Variants in RSPH4A observed in about 807,000 individuals in gnomAD.
RSPH4A encodes the protein radial spoke head component 4A.
In RSPH4A, 47 loss-of-function variants were observed where a neutral mutation model predicts 71.0. The observed-to-expected ratio is 0.66, with a 90% confidence interval of 0.52 to 0.84. The LOEUF (loss-of-function observed/expected upper bound fraction) is 0.84. Ranked by LOEUF, RSPH4A falls within the 40% of genes least tolerant of loss-of-function variation. The pLI is 0.00. For synonymous variants in RSPH4A, 282 were observed against 302.3 expected (o/e 0.93, Z 0.70); for missense variants, 793 against 855.2 (o/e 0.93, Z 0.91).
Position 116,622,973 on chromosome 6 carries a change from G to T in RSPH4A, c.892G>T (p.Gly298Ter). 6.2e-7 allele frequency: 1 copy of T among 1,611,698 alleles called. No individual in the cohort carries two copies. The highest frequency in any genetic ancestry group is 1.1e-5 in the South Asian group (1 of 91,006). The change falls in exon 2 of 6, where the codon GGA (glycine) becomes TGA (stop). Residue 298 changes from glycine to a stop codon, truncating the protein, a stop_gained. Coordinates refer to ENST00000229554, the MANE Select transcript of RSPH4A (RefSeq NM_001010892.3). LOFTEE classifies it high-confidence loss of function. Reference sequence around the variant, plus strand: ...TCTTTTTCTCCAGGGACATTTGGAAGGAGTTGACCAAGAATTGGAAGATGA... The same window carrying T: ...TCTTTTTCTCCAGGGACATTTGGAATGAGTTGACCAAGAATTGGAAGATGA... Reference protein sequence around the residue: ...KALFLQGHLEGVDQELEDEIA... With the variant: ...KALFLQGHLE
Position 116,630,546 on chromosome 6 carries a change from A to G in RSPH4A, c.1910A>G (p.Asn637Ser), listed in dbSNP as rs771284555. The change falls in exon 5 of 6, where the codon AAT becomes AGT. Residue 637 changes from asparagine to serine, a missense_variant. By Grantham distance (46) the Asn-to-Ser change is conservative (BLOSUM62 1). Coordinates refer to ENST00000229554, the MANE Select transcript of RSPH4A (RefSeq NM_001010892.3). Reference sequence around the variant, plus strand: ...TGGCCTGGAGCATATGCCTTCTCCAATGGCAAGTAAGTATCTGACCACTTA... The same window carrying G: ...TGGCCTGGAGCATATGCCTTCTCCAGTGGCAAGTAAGTATCTGACCACTTA... ...NLWPGAYAFS[N>S]GKKFENFYIG... The G allele has an allele frequency of 4.0e-6, 6 of 1,488,306 alleles. No individual in the cohort carries two copies. The highest frequency in any genetic ancestry group is 1.1e-5 in the South Asian group (1 of 88,582). The allele number at this position is 1,488,306 out of a possible 1,614,324, so 92.2% of individuals were successfully genotyped here. A position where few individuals can be genotyped will look rare whatever the true frequency, so the allele number is the denominator to read the frequency against.
intron 1 of RSPH4A, among the ~76,000 whole-genome samples, chr6:116,620,024 G>A (rs1056874005): frequency 6.6e-6 from 1 of 152,140 alleles, no homozygotes; most frequent in Non-Finnish European, 1.5e-5. Flanking sequence ...CAGCCTATTA[G>A]TTAATATTTT....
In RSPH4A at chr6:116,627,535, T is replaced by C. The variant is rs910611825; in HGVS notation, c.922-94T>C. The C allele has an allele frequency of 6.9e-6, 7 of 1,013,862 alleles. No homozygotes were observed. The African/African-American group carries it at 9.5e-5, about 14-fold the overall frequency. The allele number at this position is 1,013,862 out of a possible 1,614,324, so 62.8% of individuals were successfully genotyped here. On this transcript the variant is annotated intron_variant, in intron 2 of 5. Coordinates refer to ENST00000229554, the MANE Select transcript of RSPH4A (RefSeq NM_001010892.3). ...CTTGAGAGAAATGTCAAAGAAGTGG[T>C]GGAGAAAGTAGAATATCGAGATACA...
chr6:116,627,286 G>A (rs550428013), intron 2 of RSPH4A, among the ~76,000 whole-genome samples: 15 of 152,112 alleles, frequency 9.9e-5, no homozygotes, highest in East Asian at 7.7e-4. Flanking sequence ...TGCAACTTCC[G>A]CCTCCCGGGT....
chr6:116,620,195 G>T (rs898119363), intron 1 of RSPH4A, among the ~76,000 whole-genome samples: 1 of 152,162 alleles, frequency 6.6e-6, no homozygotes, highest in African/African-American at 2.4e-5. Context: ...ATAAATACTT[G>T]TGAGTTCACT....
At position 116,632,488 on chromosome 6, in the gene RSPH4A, C is replaced by A; in HGVS notation, c.*47C>A. 1.9e-6 allele frequency: 3 copies of A among 1,570,094 alleles called. No homozygotes were observed. Among genetic ancestry groups the A allele is most frequent in the South Asian group, 1.2e-5 (1 of 85,430 alleles). On this transcript the variant is annotated 3_prime_UTR_variant, in exon 6 of 6. Coordinates refer to ENST00000229554, the MANE Select transcript of RSPH4A (RefSeq NM_001010892.3). ...TTTATGTGACACTGATACACACACA[C>A]CCCTTATATGGGACTAATTTTACAC...
rs1364995758 is a variant in RSPH4A at position 116,628,089 on chromosome 6, T to G, written c.1382T>G (p.Phe461Cys). 3 of 1,613,940 alleles carry G rather than the reference T, an allele frequency of 1.9e-6. No homozygotes were observed. In the African/African-American group the frequency reaches 4.0e-5, roughly 22 times the overall value. The change falls in exon 3 of 6, where the codon TTT (phenylalanine) becomes TGT (cysteine). Residue 461 changes from phenylalanine to cysteine, a missense_variant. Transcript: ENST00000229554. ...QIVIARKIKK[F>C]FTGRLDAPII... Reference sequence around the variant, plus strand: ...GTTATTGCAAGAAAAATCAAGAAATTTTTCACTGGGCGATTGGATGCTCCC... The same window carrying G: ...GTTATTGCAAGAAAAATCAAGAAATGTTTCACTGGGCGATTGGATGCTCCC...
intron 2 of RSPH4A, among the ~76,000 whole-genome samples, chr6:116,623,604 C>T (rs1238250434): frequency 6.6e-6 from 1 of 152,054 alleles, no homozygotes; most frequent in African/African-American, 2.4e-5. Flanking sequence ...TTTATATTCT[C>T]CAAGGTGCCT....
In RSPH4A at chr6:116,632,298, C is replaced by T. The variant is rs757833921; in HGVS notation, c.2008C>T (p.Pro670Ser). 1.2e-6 allele frequency: 2 copies of T among 1,613,174 alleles called. No homozygotes were observed. Among genetic ancestry groups the T allele is most frequent in the Non-Finnish European group, 1.7e-6 (2 of 1,179,846 alleles). The change falls in exon 6 of 6, where the codon CCC becomes TCC. Residue 670 changes from proline (P) to serine (S), a missense_variant. Physicochemically the swap from Pro to Ser is moderately conservative, Grantham distance 74. Coordinates refer to ENST00000229554, the MANE Select transcript of RSPH4A (RefSeq NM_001010892.3). ...PVPPPVYQEY[P>S]SGPEITEMDD... ...TCCACCACCAGTTTATCAAGAATAC[C>T]CCAGTGGACCAGAAATTACAGAAAT...
intron 2 of RSPH4A, 68 bp from the exon 3 acceptor site, chr6:116,627,561 T>C: frequency 8.3e-7 from 1 of 1,202,676 alleles, no homozygotes; most frequent in Non-Finnish European, 1.2e-6. Context: ...TCGAGATACA[T>C]GAAAAAGACA....
intron 5 of RSPH4A, among the ~76,000 whole-genome samples, chr6:116,631,957 G>A (rs1220721888): frequency 6.6e-6 from 1 of 151,650 alleles, no homozygotes; most frequent in Non-Finnish European, 1.5e-5. Flanking sequence ...TGTGGTCTAG[G>A]TGTAGGGTAC....
intron 2 of RSPH4A, among the ~76,000 whole-genome samples, chr6:116,623,748 T>A (rs1199776921): frequency 6.6e-6 from 1 of 152,244 alleles, no homozygotes; most frequent in East Asian, 1.9e-4. Context: ...TAATATCATT[T>A]GTATTTTCTT....
chr6:116,622,860 A>G lies in RSPH4A; in HGVS notation c.779A>G (p.Lys260Arg). The G allele has an allele frequency of 6.2e-7, 1 of 1,613,090 alleles. No individual in the cohort carries two copies. The highest frequency in any genetic ancestry group is 8.5e-7 in the Non-Finnish European group (1 of 1,179,080). Residue 260 changes from lysine to arginine, a missense_variant, in exon 2 of 6, where the codon AAG becomes AGG. Lys to Arg is a conservative substitution (Grantham distance 26). Coordinates refer to ENST00000229554, the MANE Select transcript of RSPH4A (RefSeq NM_001010892.3). ...TTTGAAAATATTAGCCAAGATGTGA[A>G]GATGGCACATTTTAGTAAAAAATTT... Reference protein sequence around the residue: ...DIFENISQDVKMAHFSKKFDA... With the variant: ...DIFENISQDVRMAHFSKKFDA...
intron 1 of RSPH4A, among the ~76,000 whole-genome samples, chr6:116,618,360 G>A (rs1488281882): frequency 6.6e-6 from 1 of 152,162 alleles, no homozygotes; most frequent in African/African-American, 2.4e-5. Flanking sequence ...TCTCCCACTA[G>A]ATTGGAGGCC....
chr6:116,630,224 GATGT>G (rs1457785003), intron 4 of RSPH4A, among the ~76,000 whole-genome samples: 2 of 152,032 alleles, frequency 1.3e-5, no homozygotes, highest in East Asian at 3.8e-4. Context: ...CAAAAATGGA[GATGT>G]ATATTTCAAA....
intron 1 of RSPH4A, among the ~76,000 whole-genome samples, chr6:116,618,477 T>G (rs1775546688): frequency 6.6e-6 from 1 of 152,232 alleles, no homozygotes; most frequent in Admixed American, 6.5e-5. Context: ...TCTCTCACTC[T>G]ACAACAACCA....
intron 2 of RSPH4A, among the ~76,000 whole-genome samples, chr6:116,624,249 A>G (rs1369468251): frequency 6.6e-6 from 1 of 152,226 alleles, no homozygotes; most frequent in Non-Finnish European, 1.5e-5. Flanking sequence ...ATAGGTGTCA[A>G]GGAGTTGACA....
chr6:116,625,365 G>C (rs1169357742), intron 2 of RSPH4A, among the ~76,000 whole-genome samples: 1 of 152,164 alleles, frequency 6.6e-6, no homozygotes, highest in Non-Finnish European at 1.5e-5. Context: ...TTTAATGTTT[G>C]GAAAAGTCGA....
At chr6:116,624,436 C>T (rs956804730) in intron 2 of RSPH4A, among the ~76,000 whole-genome samples, 9 of 152,192 alleles carry the variant, frequency 5.9e-5, no homozygotes, top group Non-Finnish European at 1.2e-4. Context: ...CACAGAATTA[C>T]AAGGTAGGGC....
Sources: allele counts gnomAD v4.1 joint callset (sites outside exome capture counted in the v4.1 genomes callset), GRCh38; gene constraint gnomAD v4.1.1; transcripts MANE v1.5; gene names NCBI Gene and HGNC (gene_info 2026-07-23, HGNC 2026-07-21).